Variants in EPAS1 observed in about 807,000 individuals in gnomAD.
EPAS1 encodes endothelial PAS domain protein 1.
In EPAS1, 23 loss-of-function variants were observed where a neutral mutation model predicts 87.9. That is an observed-to-expected ratio of 0.26 (90% confidence interval 0.19 to 0.37). EPAS1 has a LOEUF of 0.37. Among genes scored for constraint, EPAS1 ranks in the 10% least tolerant of loss-of-function variants. The pLI is 1.00. For missense variants in EPAS1, 1,138 were observed against 1,120.7 expected (o/e 1.02, Z -0.22); for synonymous variants, 508 against 444.3 (o/e 1.14, Z -1.80).
chr2:46,366,543 T>C (rs1170386763), intron 6 of EPAS1, among the ~76,000 whole-genome samples: 4 of 152,230 alleles, frequency 2.6e-5, no homozygotes, highest in Non-Finnish European at 4.4e-5. Flanking sequence ...TCTGCTGTTT[T>C]TTGACTTTAT....
chr2:46,376,342 A>G (rs1684747302), intron 8 of EPAS1, among the ~76,000 whole-genome samples, 197 bp from the exon 9 acceptor site: 1 of 152,262 alleles, frequency 6.6e-6, no homozygotes, highest in African/African-American at 2.4e-5. Context: ...ACAGACATAC[A>G]TTCAGAGGAT....
rs1684719914 is a variant in EPAS1, at chr2:46,375,259, G to A, written c.887-431G>A. Among the ~76,000 whole-genome samples the A allele has an allele frequency of 9.9e-6, 1 of 101,516 alleles. No homozygotes were observed. The highest frequency in any genetic ancestry group is 2.2e-5 in the Non-Finnish European group (1 of 45,746). 66.6% of individuals were successfully genotyped at this position (101,516 alleles called of 152,430 possible). A position where few individuals can be genotyped will look rare whatever the true frequency, so the allele number is the denominator to read the frequency against. On this transcript the variant is annotated intron_variant, in intron 7 of 15. Coordinates refer to ENST00000263734, the MANE Select transcript of EPAS1 (RefSeq NM_001430.5). This position sits in a 1 kb window ranked among gnomAD's most constrained non-coding sequence, Gnocchi z 4.1. ...GGCTGCTTAGAAGTCCCCCCACCTGGAGTGCTTGACGGGATGGCGCTCCTT... is the reference window on the plus strand; with the variant it reads ...GGCTGCTTAGAAGTCCCCCCACCTGAAGTGCTTGACGGGATGGCGCTCCTT...
intron 1 of EPAS1, among the ~76,000 whole-genome samples, chr2:46,304,025 A>G (rs990212910): frequency 1.1e-4 from 16 of 152,244 alleles, no homozygotes; most frequent in Non-Finnish European, 1.6e-4. Flanking sequence ...AAATACTGGT[A>G]TGATTCATTT....
intron 1 of EPAS1, chr2:46,335,629 G>A (rs1395238590): frequency 6.6e-6 from 1 of 152,036 alleles, no homozygotes; most frequent in African/African-American, 2.4e-5. Flanking sequence ...GTAAATTTGA[G>A]GGTTAATTTT....
At chr2:46,318,911 TAC>T (rs889738824) in intron 1 of EPAS1, among the ~76,000 whole-genome samples, 5 of 152,254 alleles carry the variant, frequency 3.3e-5, no homozygotes, top group Non-Finnish European at 5.9e-5. Flanking sequence ...AAAGATTTAA[TAC>T]ATAGTTGTAT....
chr2:46,380,109 T>G lies in EPAS1; in HGVS notation c.1555-118T>G, dbSNP rs1684852631. On this transcript the variant is annotated intron_variant, in intron 11 of 15. Coordinates refer to ENST00000263734, the MANE Select transcript of EPAS1 (RefSeq NM_001430.5). This position sits in a 1 kb window ranked among gnomAD's most constrained non-coding sequence, Gnocchi z 4.4. ...GGCCCTCGGGAGCCAGTGGAGGCGTTTGAGCAGCACTGTGAAACAGTGCTT... is the reference window on the plus strand; with the variant it reads ...GGCCCTCGGGAGCCAGTGGAGGCGTGTGAGCAGCACTGTGAAACAGTGCTT... 35 of 1,543,938 alleles carry G rather than the reference T, an allele frequency of 2.3e-5. No homozygotes were observed. Among genetic ancestry groups the G allele is most frequent in the East Asian group, 6.8e-5 (3 of 44,226 alleles).
At chr2:46,305,756 A>G (rs528770928) in intron 1 of EPAS1, among the ~76,000 whole-genome samples, 1 of 152,228 alleles carries the variant, frequency 6.6e-6, no homozygotes, top group Admixed American at 6.5e-5. Flanking sequence ...TATTAAAAAA[A>G]CTAAGAGATA....
At chr2:46,298,352 TC>T (rs1682928526) in intron 1 of EPAS1, among the ~76,000 whole-genome samples, 1 of 152,230 alleles carries the variant, frequency 6.6e-6, no homozygotes, top group Non-Finnish European at 1.5e-5. Context: ...TCTCTATTTT[TC>T]TCTGGATTCG....
Position 46,375,973 on chromosome 2 carries a change from G to T in EPAS1, c.1034+136G>T. 8.5e-7 allele frequency: 1 copy of T among 1,173,260 alleles called. No individual in the cohort carries two copies. Among genetic ancestry groups the T allele is most frequent in the Admixed American group, 1.8e-5 (1 of 56,236 alleles). The allele number at this position is 1,173,260 out of a possible 1,614,324, so 72.7% of individuals were successfully genotyped here. A position where few individuals can be genotyped will look rare whatever the true frequency, so the allele number is the denominator to read the frequency against. On this transcript the variant is annotated intron_variant, in intron 8 of 15. Transcript: ENST00000263734. This position sits in a 1 kb window ranked among gnomAD's most constrained non-coding sequence, Gnocchi z 4.1. ...CACCACCTCAGGGAGGTCTTGCAGG[G>T]CTAACCCTAGTGACTGAGAGGACTT...
At chr2:46,314,869 AGGTGGGCTGG>A (rs1470133994) in intron 1 of EPAS1, among the ~76,000 whole-genome samples, 1 of 152,168 alleles carries the variant, frequency 6.6e-6, no homozygotes, top group Non-Finnish European at 1.5e-5. Flanking sequence ...CTCAAGAAGG[AGGTGGGCTGG>A]GGTACGAGAA....
chr2:46,366,915 C>T (rs1684515266), intron 6 of EPAS1, among the ~76,000 whole-genome samples: 1 of 152,198 alleles, frequency 6.6e-6, no homozygotes, highest in Non-Finnish European at 1.5e-5. Flanking sequence ...CACGTGGGGG[C>T]GAATGACCAT....
chr2:46,329,633 C>G (rs949030907), intron 1 of EPAS1, among the ~76,000 whole-genome samples: 4 of 152,052 alleles, frequency 2.6e-5, no homozygotes, highest in Non-Finnish European at 5.9e-5. Context: ...ACTAGCCTGG[C>G]CGAGATAGTG....
rs1210772778 is a variant in EPAS1, at chr2:46,379,985, C to G, written c.1555-242C>G. The G allele has an allele frequency of 2.7e-5, 17 of 621,642 alleles. No individual in the cohort carries two copies. In the South Asian group the frequency reaches 2.7e-4, roughly 10 times the overall value. The allele number at this position is 621,642 out of a possible 1,614,324, so 38.5% of individuals were successfully genotyped here. A position where few individuals can be genotyped will look rare whatever the true frequency, so the allele number is the denominator to read the frequency against. On this transcript the variant is annotated intron_variant, in intron 11 of 15. Transcript: ENST00000263734. ...GTGGGATGGGGAGAGGAGAACATTTCTCAATGTGCAGGGTGAAGAGGGGAT... is the reference window on the plus strand; with the variant it reads ...GTGGGATGGGGAGAGGAGAACATTTGTCAATGTGCAGGGTGAAGAGGGGAT...
At chr2:46,353,843 A>G (rs1383892655) in intron 2 of EPAS1, among the ~76,000 whole-genome samples, 1 of 152,206 alleles carries the variant, frequency 6.6e-6, no homozygotes, top group East Asian at 1.9e-4. Flanking sequence ...GGGTGTGCAG[A>G]GGAAAGAATT....
intron 1 of EPAS1, among the ~76,000 whole-genome samples, chr2:46,342,940 A>G (rs1468017847): frequency 2.6e-5 from 4 of 152,100 alleles, no homozygotes; most frequent in Non-Finnish European, 5.9e-5. Context: ...GTGAGTTTCC[A>G]CCTCGGGGAG....
chr2:46,380,760 G>A lies in EPAS1; in HGVS notation c.2045+43G>A. 1.9e-6 allele frequency: 3 copies of A among 1,601,100 alleles called. No homozygotes were observed. Among genetic ancestry groups the A allele is most frequent in the East Asian group, 4.5e-5 (2 of 44,880 alleles). On this transcript the variant is annotated intron_variant, in intron 12 of 15. Coordinates refer to ENST00000263734, the MANE Select transcript of EPAS1 (RefSeq NM_001430.5). This position sits in a 1 kb window ranked among gnomAD's most constrained non-coding sequence, Gnocchi z 4.4. ...AGCTGTACCAGCAGGGCCGAACCGA[G>A]AGGCACCCACTAGTAAGATAGCTGG...
At chr2:46,316,980 A>G (rs1412181622) in intron 1 of EPAS1, among the ~76,000 whole-genome samples, 1 of 152,214 alleles carries the variant, frequency 6.6e-6, no homozygotes, top group Non-Finnish European at 1.5e-5. Flanking sequence ...CCATCTTGAG[A>G]AGCCACTTTT....
rs1441825081 is a variant in EPAS1, at chr2:46,297,634, C to T, written c.-278C>T. ...AAAAGGAACTTGGGTTCCCTTCTCT[C>T]CGTCCTCTTTTCGGGTCTGACAGCC... On this transcript the variant is annotated 5_prime_UTR_variant, in exon 1 of 16. Coordinates refer to ENST00000263734, the MANE Select transcript of EPAS1 (RefSeq NM_001430.5). 6.0e-6 allele frequency: 3 copies of T among 502,018 alleles called. No individual in the cohort carries two copies. The highest frequency in any genetic ancestry group is 1.1e-5 in the Non-Finnish European group (3 of 280,022). The allele number at this position is 502,018 out of a possible 1,614,324, so 31.1% of individuals were successfully genotyped here.
intron 4 of EPAS1, among the ~76,000 whole-genome samples, chr2:46,358,607 T>C (rs1006392432): frequency 2.0e-5 from 3 of 152,166 alleles, no homozygotes; most frequent in Non-Finnish European, 4.4e-5. Flanking sequence ...TTCAAATTGA[T>C]GGTATTGGAC....
Sources: allele counts gnomAD v4.1 joint callset (sites outside exome capture counted in the v4.1 genomes callset), GRCh38; gene constraint gnomAD v4.1.1; non-coding constraint Gnocchi (gnomAD v3.1); transcripts MANE v1.5; gene names NCBI Gene and HGNC (gene_info 2026-07-23, HGNC 2026-07-21).